HNF1B: variants seen among roughly 807,000 people sequenced by gnomAD.
The protein encoded by HNF1B is HNF1 homeobox B.
Under a neutral mutation model 61.7 loss-of-function variants are expected in HNF1B, and 8 were observed. The observed-to-expected ratio is 0.13, with a 90% CI of 0.08 to 0.23. The LOEUF is 0.23. Among genes scored for constraint, HNF1B ranks in the 10% least tolerant of loss-of-function variants. The pLI, the probability that HNF1B is intolerant of heterozygous loss-of-function variation, is 1.00. For synonymous variants in HNF1B, 314 were observed against 287.7 expected, an observed-to-expected ratio of 1.09 and a Z score of -0.93; for missense variants, 562 against 714.5, an observed-to-expected ratio of 0.79 and a Z score of 2.43.
intron 4 of HNF1B, among the ~76,000 whole-genome samples, chr17:37,717,122 T>C (rs1030809262): frequency 1.3e-5 from 2 of 152,176 alleles, no homozygotes; most frequent in Non-Finnish European, 2.9e-5. Context: ...TCCTGGGCAA[T>C]GTGGGGCTCA....
intron 5 of HNF1B, among the ~76,000 whole-genome samples, chr17:37,708,487 C>T (rs1408663348): frequency 6.6e-6 from 1 of 152,166 alleles, no homozygotes; most frequent in Admixed American, 6.5e-5. Context: ...AGGCAGCTTG[C>T]CTCTTAGAAG....
chr17:37,739,643 G>A lies in HNF1B; in HGVS notation c.345-4C>T, dbSNP rs200590728. ...AGCAGCCCTCCAAGGGTCCTCACTA[G>A]ACAGACAAGCAGATGGTTAGGGTAC... is the stretch of plus-strand genomic sequence containing the variant. On this transcript the variant is annotated splice_region_variant and splice_polypyrimidine_tract_variant and intron_variant, in intron 1 of 8. Transcript: ENST00000617811. 372 of 1,607,072 alleles carry A rather than the reference G, an allele frequency of 2.3e-4. No individual in the cohort carries two copies. Among genetic ancestry groups the A allele is most frequent in the Non-Finnish European group, 3.1e-4 (362 of 1,176,274 alleles).
chr17:37,722,449 C>T (rs1485656465), intron 4 of HNF1B, among the ~76,000 whole-genome samples: 1 of 152,174 alleles, frequency 6.6e-6, no homozygotes, highest in African/African-American at 2.4e-5. Context: ...AACCACAACC[C>T]AAGCCAAGCC....
chr17:37,736,012 G>A (rs2033822816), intron 2 of HNF1B, among the ~76,000 whole-genome samples: 2 of 152,148 alleles, frequency 1.3e-5, no homozygotes, highest in Admixed American at 1.3e-4. Context: ...CAGTCTTCCC[G>A]CCACCTCAGC....
chr17:37,712,470 C>G (rs2032967843), intron 4 of HNF1B, among the ~76,000 whole-genome samples: 3 of 150,510 alleles, frequency 2.0e-5, no homozygotes, highest in Admixed American at 2.0e-4. Flanking sequence ...GTCTGCCACC[C>G]AGTTCCCAGT....
intron 8 of HNF1B, 113 bp from the exon 9 acceptor site, chr17:37,687,505 A>G (rs2032017688): frequency 1.2e-6 from 1 of 830,098 alleles, no homozygotes; most frequent in Non-Finnish European, 2.1e-6. Flanking sequence ...AAAGAGCAGC[A>G]GGTGGAGGGC....
chr17:37,727,929 A>G (rs888702162), intron 4 of HNF1B, among the ~76,000 whole-genome samples: 1 of 151,354 alleles, frequency 6.6e-6, no homozygotes, highest in African/African-American at 2.4e-5. Flanking sequence ...CCCCCAGCTC[A>G]GTCTTTGGGG....
intron 6 of HNF1B, among the ~76,000 whole-genome samples, chr17:37,704,420 C>G (rs901952634): frequency 6.6e-5 from 10 of 152,154 alleles, no homozygotes; most frequent in South Asian, 2.1e-4. Flanking sequence ...TTTCATATAC[C>G]ACACAAAACT....
At chr17:37,737,685 A>G (rs1489485207) in intron 2 of HNF1B, among the ~76,000 whole-genome samples, 1 of 150,824 alleles carries the variant, frequency 6.6e-6, no homozygotes, top group African/African-American at 2.4e-5. Context: ...AAAAAAAAAA[A>G]TTAGCCAGGT....
intron 1 of HNF1B, among the ~76,000 whole-genome samples, chr17:37,741,295 T>C (rs1219350318): frequency 1.3e-5 from 2 of 152,232 alleles, no homozygotes; most frequent in South Asian, 2.1e-4. Context: ...GTTGTGATTA[T>C]TTTATTAAGA....
intron 4 of HNF1B, among the ~76,000 whole-genome samples, chr17:37,716,854 CTCT>C (rs2033137108): frequency 2.3e-5 from 2 of 88,146 alleles, no homozygotes; most frequent in Admixed American, 9.4e-5. Context: ...CTCTCTCTCT[CTCT>C]CTCTCTCTCT....
intron 1 of HNF1B, among the ~76,000 whole-genome samples, chr17:37,742,482 G>C (rs986122898): frequency 6.6e-6 from 1 of 152,308 alleles, no homozygotes; most frequent in African/African-American, 2.4e-5. Context: ...CCCGAGGCTT[G>C]GGAGCCCCCT....
intron 1 of HNF1B, among the ~76,000 whole-genome samples, chr17:37,741,211 T>C (rs1035977220): frequency 6.6e-6 from 1 of 152,206 alleles, no homozygotes; most frequent in African/African-American, 2.4e-5. Context: ...CGCCTTTAAA[T>C]ATGTCAAATA....
At chr17:37,743,951 G>T (rs2034082156) in intron 1 of HNF1B, among the ~76,000 whole-genome samples, 2 of 152,228 alleles carry the variant, frequency 1.3e-5, no homozygotes, top group Admixed American at 6.5e-5. Flanking sequence ...CTAAACCCGC[G>T]TTGGGGATCC....
At chr17:37,714,841 A>G (rs931628683) in intron 4 of HNF1B, among the ~76,000 whole-genome samples, 44 of 152,102 alleles carry the variant, frequency 2.9e-4, no homozygotes, top group Non-Finnish European at 5.7e-4. Context: ...ACACTGCTGC[A>G]GCCTGGGATA....
intron 5 of HNF1B, among the ~76,000 whole-genome samples, chr17:37,708,502 A>G (rs1396417159): frequency 3.9e-5 from 6 of 152,154 alleles, no homozygotes; most frequent in Non-Finnish European, 5.9e-5. Context: ...TAGAAGGAGG[A>G]GAGGCAGAGC....
chr17:37,720,110 A>C (rs1177033000), intron 4 of HNF1B, among the ~76,000 whole-genome samples: 1 of 152,196 alleles, frequency 6.6e-6, no homozygotes, highest in African/African-American at 2.4e-5. Context: ...AGGGAGCACC[A>C]CCAGAGACCT....
At chr17:37,713,048 C>A (rs915522633) in intron 4 of HNF1B, among the ~76,000 whole-genome samples, 7 of 152,362 alleles carry the variant, frequency 4.6e-5, no homozygotes, top group Middle Eastern at 3.4e-3. Context: ...AGAGGTCTAG[C>A]CGCTGCCCTC....
chr17:37,721,032 C>G, intron 4 of HNF1B: 1 of 834,498 alleles, frequency 1.2e-6, no homozygotes, highest in Non-Finnish European at 1.4e-6. Context: ...TCCACTCTTG[C>G]TGAACAAGAA....
Sources: gnomAD v4.1 joint callset for allele counts (sites outside exome capture counted in the v4.1 genomes callset) on GRCh38, gnomAD v4.1.1 for gene constraint, MANE v1.5 for transcripts, NCBI Gene and HGNC (gene_info 2026-07-23, HGNC 2026-07-21) for gene names.